LEPR: variants seen among roughly 807,000 people sequenced by gnomAD.
The protein encoded by LEPR is leptin receptor, also known as OB receptor.
In LEPR, 56 loss-of-function variants were observed where a neutral mutation model predicts 114.7. The ratio of observed to expected loss-of-function variants is 0.49; its 90% CI spans 0.39 to 0.61. LEPR has a LOEUF of 0.61. Ranked by LOEUF, LEPR falls within the 20% of genes least tolerant of loss-of-function variation. LEPR has a pLI of 0.00. For missense variants in LEPR, 1,202 were observed against 1,352.9 expected, an observed-to-expected ratio of 0.89 and a Z score of 1.75; for synonymous variants, 443 against 461.4, an observed-to-expected ratio of 0.96 and a Z score of 0.51.
chr1:65,544,335 T>C (rs1403772390), intron 2 of LEPR, among the ~76,000 whole-genome samples: 1 of 152,032 alleles, frequency 6.6e-6, no homozygotes, highest in African/African-American at 2.4e-5. Flanking sequence ...CTTAAGGAGA[T>C]TTTGGGCTGA....
At chr1:65,518,499 A>G (rs1248462795) in intron 2 of LEPR, among the ~76,000 whole-genome samples, 1 of 152,130 alleles carries the variant, frequency 6.6e-6, no homozygotes, top group Non-Finnish European at 1.5e-5. Flanking sequence ...TTTTCTCTAC[A>G]ATGCACTTTT....
At position 65,622,372 on chromosome 1, in the gene LEPR, T is replaced by A. The variant is rs370376096; in HGVS notation, c.2598-534T>A. Among the ~76,000 whole-genome samples the A allele has an allele frequency of 7.9e-5, 12 of 152,272 alleles. No homozygotes were observed. In the East Asian group the frequency reaches 1.9e-3, roughly 25 times the overall value. The stretch of plus-strand genomic sequence containing the variant: ...TTTTTAGAGATCAGCACTGTGTGGC[T>A]CCAGTCTGCTTGGCTTGTCAGGCAA... On this transcript the variant is annotated intron_variant, in intron 18 of 19. Coordinates refer to ENST00000349533, the MANE Select transcript of LEPR (RefSeq NM_002303.6).
At chr1:65,473,134 G>C (rs997022157) in intron 2 of LEPR, among the ~76,000 whole-genome samples, 7 of 152,140 alleles carry the variant, frequency 4.6e-5, no homozygotes, top group African/African-American at 1.7e-4. Context: ...CCTGTGCCAG[G>C]GTCTGTGCCA....
intron 2 of LEPR, chr1:65,433,174 C>A: frequency 1.0e-6 from 1 of 985,440 alleles, no homozygotes; most frequent in Non-Finnish European, 1.2e-6. Context: ...CTGCCCCCCA[C>A]CCCTACTCCT....
chr1:65,492,540 TTC>T (rs986590961), intron 2 of LEPR, among the ~76,000 whole-genome samples: 1 of 152,082 alleles, frequency 6.6e-6, no homozygotes, highest in African/African-American at 2.4e-5. Context: ...TTTATGTATT[TTC>T]TCTCTCTACT....
chr1:65,578,935 G>A (rs961635614), intron 5 of LEPR, among the ~76,000 whole-genome samples: 7 of 152,154 alleles, frequency 4.6e-5, no homozygotes, highest in African/African-American at 1.7e-4. Context: ...CCCAGAGGAG[G>A]AACCCAGATA....
At chr1:65,547,644 G>A (rs527832206) in intron 2 of LEPR, among the ~76,000 whole-genome samples, 21 of 150,698 alleles carry the variant, frequency 1.4e-4, no homozygotes, top group African/African-American at 3.7e-4. Context: ...CTGTGAGATC[G>A]GTGGTGATAT....
At position 65,451,208 on chromosome 1, in the gene LEPR, T is replaced by G. The variant is rs973095398; in HGVS notation, c.-21+25830T>G. ...TGGCAGATGAGTAGGTTGCGAAAATTTTCTCTCATTTTGTAGGTTGCCTGT... is the reference window on the plus strand; with the variant it reads ...TGGCAGATGAGTAGGTTGCGAAAATGTTCTCTCATTTTGTAGGTTGCCTGT... On this transcript the variant is annotated intron_variant, in intron 2 of 19. Coordinates refer to ENST00000349533, the MANE Select transcript of LEPR (RefSeq NM_002303.6). Among the ~76,000 whole-genome samples, 737 of 152,068 alleles carry G rather than the reference T, an allele frequency of 4.8e-3. 8 individuals carry two copies. The highest frequency in any genetic ancestry group is 0.017 in the African/African-American group (710 of 41,500).
intron 2 of LEPR, among the ~76,000 whole-genome samples, chr1:65,436,339 A>G (rs945205088): frequency 2.0e-5 from 3 of 152,186 alleles, no homozygotes; most frequent in African/African-American, 7.2e-5. Flanking sequence ...CTTTTTGCAC[A>G]CTACAGAAAA....
At chr1:65,572,287 GTTGT>G (rs1553166923) in intron 4 of LEPR, 35 bp from the exon 5 acceptor site, 2 of 975,492 alleles carry the variant, frequency 2.1e-6, no homozygotes, top group South Asian at 1.9e-5. Context: ...ATTTCATGTA[GTTGT>G]TTTTTTTTTT....
At chr1:65,627,169 A>G (rs1658267616) in intron 19 of LEPR, among the ~76,000 whole-genome samples, 1 of 152,188 alleles carries the variant, frequency 6.6e-6, no homozygotes, top group Non-Finnish European at 1.5e-5. Context: ...ATCCAGATCT[A>G]TCTGACTCAA....
chr1:65,543,915 T>C (rs1263674995), intron 2 of LEPR, among the ~76,000 whole-genome samples: 3 of 152,044 alleles, frequency 2.0e-5, no homozygotes, highest in Non-Finnish European at 2.9e-5. Flanking sequence ...CCTCCAGTTT[T>C]GTTCTTTTTG....
chr1:65,438,699 TTC>T (rs1187071310), intron 2 of LEPR, among the ~76,000 whole-genome samples: 2 of 152,118 alleles, frequency 1.3e-5, no homozygotes, highest in African/African-American at 4.8e-5. Flanking sequence ...CAGGAAAATT[TTC>T]TTTTTCTTTT....
At chr1:65,422,030 A>G (rs1646261004) in intron 1 of LEPR, among the ~76,000 whole-genome samples, 1 of 152,212 alleles carries the variant, frequency 6.6e-6, no homozygotes, top group Non-Finnish European at 1.5e-5. Context: ...TTACTATGTC[A>G]GTGTTTATGT....
At chr1:65,589,171 G>A (rs1390063063) in intron 5 of LEPR, among the ~76,000 whole-genome samples, 3 of 151,998 alleles carry the variant, frequency 2.0e-5, no homozygotes, top group Non-Finnish European at 2.9e-5. Flanking sequence ...AGTGACTAAT[G>A]ATGTTGAGCA....
At position 65,436,857 on chromosome 1, in the gene LEPR, C is replaced by T. The variant is rs561847861; in HGVS notation, c.-21+11479C>T. Among the ~76,000 whole-genome samples the T allele has an allele frequency of 2.0e-5, 3 of 152,338 alleles. No individual in the cohort carries two copies. The South Asian group carries it at 6.2e-4, about 32-fold the overall frequency. ...TTAAATAATAAAACCATCAGTTCAA[C>T]TTTAGCTGGATAATCATTGCACTTA... On this transcript the variant is annotated intron_variant, in intron 2 of 19. Coordinates refer to ENST00000349533, the MANE Select transcript of LEPR (RefSeq NM_002303.6).
chr1:65,506,451 A>G (rs1482199833), intron 2 of LEPR, among the ~76,000 whole-genome samples: 1 of 152,222 alleles, frequency 6.6e-6, no homozygotes, highest in Non-Finnish European at 1.5e-5. Flanking sequence ...AGAGGAAAAG[A>G]GTGCATCTGA....
At chr1:65,499,081 A>T (rs1557625715) in intron 2 of LEPR, among the ~76,000 whole-genome samples, 1 of 152,160 alleles carries the variant, frequency 6.6e-6, no homozygotes. Context: ...GCCAATGTGC[A>T]CTTGAGTAGC....
At chr1:65,521,078 A>T (rs1238123285) in intron 2 of LEPR, among the ~76,000 whole-genome samples, 1 of 152,262 alleles carries the variant, frequency 6.6e-6, no homozygotes, top group Non-Finnish European at 1.5e-5. Context: ...GCCTGTTCCC[A>T]ACAGTTGTTG....
Sources: allele counts gnomAD v4.1 joint callset (sites outside exome capture counted in the v4.1 genomes callset), GRCh38; gene constraint gnomAD v4.1.1; transcripts MANE v1.5; gene names NCBI Gene and HGNC (gene_info 2026-07-23, HGNC 2026-07-21).